IRAG1: variants seen among roughly 807,000 people sequenced by gnomAD.
The protein encoded by IRAG1 is IP3R-associated cGMP kinase substrate.
IRAG1 carries 62 observed loss-of-function variants against 106.2 expected under a neutral mutation model. The observed-to-expected ratio is 0.58, with a 90% CI of 0.48 to 0.72. The LOEUF is 0.72. Among genes scored for constraint, IRAG1 ranks in the 30% least tolerant of loss-of-function variants. The pLI is 0.00. For synonymous variants in IRAG1, 462 were observed against 443.9 expected, an observed-to-expected ratio of 1.04 and a Z score of -0.51; for missense variants, 1,064 against 1,140.7, an observed-to-expected ratio of 0.93 and a Z score of 0.97.
intron 10 of IRAG1, among the ~76,000 whole-genome samples, chr11:10,613,471 G>A (rs1855149368): frequency 6.6e-6 from 1 of 152,138 alleles, no homozygotes; most frequent in African/African-American, 2.4e-5. Flanking sequence ...AGAACTCAGG[G>A]AACACAGCAC....
Position 10,647,341 on chromosome 11 carries a change from TG to T in IRAG1, c.225+4683del, listed in dbSNP as rs1187945236. Among the ~76,000 whole-genome samples the T allele has an allele frequency of 1.3e-5, 2 of 152,218 alleles. No individual in the cohort carries two copies. Among genetic ancestry groups the T allele is most frequent in the Admixed American group, 1.3e-4 (2 of 15,280 alleles). ...AGTTTCCTCAGCTATGAAATGGGAA[TG>T]ATAATACCTACCGTAAGGCTAATTA... On this transcript the variant is annotated intron_variant, in intron 2 of 20. Transcript: ENST00000423302. This position sits in a 1 kb window ranked among gnomAD's most constrained non-coding sequence, Gnocchi z 4.3.
In IRAG1 at chr11:10,626,581, G is replaced by A. The variant is rs1436996576; in HGVS notation, c.753C>T (p.Asn251=). The change falls in exon 9 of 21, where the codon AAC becomes AAT. Residue 251 remains asparagine, a splice_region_variant and synonymous_variant. Coordinates refer to ENST00000423302, the MANE Select transcript of IRAG1 (RefSeq NM_130385.4). ...DVSSPHPGEP[N]VPKGLADRKQ... The stretch of plus-strand genomic sequence containing the variant: ...TCCTGTCAGCTAGCCCTTTGGGGAC[G>A]TTCTGAAAAAGACAAGGTAGAGCTG... The A allele has an allele frequency of 1.0e-5, 16 of 1,596,180 alleles. 1 individual carries two copies. The highest frequency in any genetic ancestry group is 6.7e-5 in the East Asian group (3 of 44,652).
intron 1 of IRAG1, chr11:10,687,555 G>T: frequency 1.4e-6 from 1 of 728,456 alleles, no homozygotes; most frequent in Non-Finnish European, 1.9e-6. Context: ...AGTCATACGG[G>T]TGATATTAGT....
At chr11:10,590,514 T>A (rs2134193066) in intron 18 of IRAG1, among the ~76,000 whole-genome samples, 1 of 152,234 alleles carries the variant, frequency 6.6e-6, no homozygotes, top group Middle Eastern at 3.4e-3. Flanking sequence ...AGCAAAACTT[T>A]TCTAACAGCA....
intron 10 of IRAG1, among the ~76,000 whole-genome samples, chr11:10,622,598 A>G (rs1221874394): frequency 6.6e-6 from 1 of 152,086 alleles, no homozygotes; most frequent in East Asian, 1.9e-4. Flanking sequence ...TTGACCTCCC[A>G]GGCTCAAGCG....
rs200468973 is a variant in IRAG1 at position 10,621,105 on chromosome 11, G to GT, written c.1447+2672dup. On this transcript the variant is annotated intron_variant, in intron 10 of 20. Coordinates refer to ENST00000423302, the MANE Select transcript of IRAG1 (RefSeq NM_130385.4). ...GGGGTTGTGGGTGAAATTTTAAAGT[G>GT]TTTTTTCCAGTGTTTTAAATATGCT... Among the ~76,000 whole-genome samples, 474 of 151,944 alleles carry GT rather than the reference G, an allele frequency of 3.1e-3. 4 individuals carry two copies. Among genetic ancestry groups the GT allele is most frequent in the African/African-American group, 0.011 (450 of 41,334 alleles).
chr11:10,599,601 C>A (rs77742345), intron 15 of IRAG1: 9,100 of 152,258 alleles, frequency 0.06, 378 homozygotes, highest in Admixed American at 0.12. Flanking sequence ...ACTTGTGAAA[C>A]CTCCTGTTTA....
chr11:10,692,822 T>G (rs73415756), intron 1 of IRAG1, among the ~76,000 whole-genome samples: 3,498 of 152,328 alleles, frequency 0.023, 136 homozygotes, highest in African/African-American at 0.079. Context: ...CTCTCTGGCC[T>G]CTGGCTTCCA....
At chr11:10,601,718 C>T (rs1049588410) in intron 14 of IRAG1, among the ~76,000 whole-genome samples, 3 of 152,160 alleles carry the variant, frequency 2.0e-5, no homozygotes, top group Middle Eastern at 3.2e-3. Context: ...TTGAATATCT[C>T]CCTTAAAGTA....
chr11:10,589,338 T>C (rs773770442), intron 18 of IRAG1, among the ~76,000 whole-genome samples: 20 of 152,232 alleles, frequency 1.3e-4, no homozygotes, highest in Admixed American at 3.3e-4. Context: ...TATTTGTGTA[T>C]AGGACAGAAG....
At chr11:10,687,889 T>A in intron 1 of IRAG1, 10 of 891,724 alleles carry the variant, frequency 1.1e-5, no homozygotes, top group Non-Finnish European at 1.5e-5. Flanking sequence ...GGGGGGGTGG[T>A]ATTTAACTTT....
At chr11:10,592,207 A>G (rs72861097) in intron 17 of IRAG1, among the ~76,000 whole-genome samples, 1,776 of 152,298 alleles carry the variant, frequency 0.012, 17 homozygotes, top group Middle Eastern at 0.02. Context: ...AAAAGTATCG[A>G]TCCACTCCAG....
chr11:10,580,950 A>G (rs1051141719), intron 19 of IRAG1, among the ~76,000 whole-genome samples: 1 of 152,140 alleles, frequency 6.6e-6, no homozygotes, highest in African/African-American at 2.4e-5. Context: ...TGTAAAAGAG[A>G]GAGGGTGACA....
In IRAG1 at chr11:10,627,993, G is replaced by A; in HGVS notation, c.685C>T (p.Leu229=). The part of the protein sequence containing the change: ...LDVCSGPPSP[L]PGAPPQKGDE... ...GTCACCTGTGGTGGTGCTCCAGGCA[G>A]AGGGGATGGCGGGCCACTGCACACA... Residue 229 remains leucine (L), a synonymous_variant, in exon 7 of 21, where the codon CTG becomes TTG. Transcript: ENST00000423302. 2 of 1,611,298 alleles carry A rather than the reference G, an allele frequency of 1.2e-6. No individual in the cohort carries two copies. The highest frequency in any genetic ancestry group is 1.7e-4 in the Middle Eastern group (1 of 6,050).
intron 11 of IRAG1, 147 bp downstream of exon 11, chr11:10,609,581 T>G: frequency 1.1e-6 from 1 of 939,754 alleles, no homozygotes; most frequent in Non-Finnish European, 1.5e-6. Flanking sequence ...TTCTTTTTGT[T>G]TCGAATGCAT....
Position 10,576,279 on chromosome 11 carries a change from AG to A in IRAG1, c.*52del. The stretch of plus-strand genomic sequence containing the variant: ...TGGGCCTGACGTTATACTTGGGGAA[AG>A]GGTGGTAGTCTGAGTGTCTCAGAGC... On this transcript the variant is annotated 3_prime_UTR_variant, in exon 21 of 21. Coordinates refer to ENST00000423302, the MANE Select transcript of IRAG1 (RefSeq NM_130385.4). The A allele has an allele frequency of 6.2e-7, 1 of 1,602,840 alleles. No individual in the cohort carries two copies. The highest frequency in any genetic ancestry group is 2.2e-5 in the East Asian group (1 of 44,588).
intron 14 of IRAG1, among the ~76,000 whole-genome samples, chr11:10,601,446 G>A (rs1853996315): frequency 6.6e-6 from 1 of 152,228 alleles, no homozygotes; most frequent in South Asian, 2.1e-4. Context: ...TCTAGAGGCA[G>A]GGAAGCACAG....
At chr11:10,594,786 C>T (rs1853091787) in intron 15 of IRAG1, among the ~76,000 whole-genome samples, 1 of 152,142 alleles carries the variant, frequency 6.6e-6, no homozygotes, top group Admixed American at 6.6e-5. Flanking sequence ...TGAGTATGTG[C>T]AGAGAAAGGT....
rs1013770109 is a variant in IRAG1 at position 10,693,655 on chromosome 11, C to T, written c.-53G>A. On this transcript the variant is annotated 5_prime_UTR_variant, in exon 1 of 21. Coordinates refer to ENST00000423302, the MANE Select transcript of IRAG1 (RefSeq NM_130385.4). ...GAGCTCAGAGCCGAGAAGCCTCTGG[C>T]TGCAGAACCTCGGCCGCACGCCTCC... 23 of 1,530,626 alleles carry T rather than the reference C, an allele frequency of 1.5e-5. No homozygotes were observed. In the African/African-American group the frequency reaches 2.7e-4, roughly 18 times the overall value. The allele number at this position is 1,530,626 out of a possible 1,614,324, so 94.8% of individuals were successfully genotyped here. A position where few individuals can be genotyped will look rare whatever the true frequency, so the allele number is the denominator to read the frequency against.
Sources: gnomAD v4.1 joint callset for allele counts (sites outside exome capture counted in the v4.1 genomes callset) on GRCh38, gnomAD v4.1.1 for gene constraint, Gnocchi (gnomAD v3.1) non-coding constraint, MANE v1.5 for transcripts, NCBI Gene and HGNC (gene_info 2026-07-23, HGNC 2026-07-21) for gene names.